LAYN: variants seen among roughly 807,000 people sequenced by gnomAD.
The protein encoded by LAYN is layilin.
A neutral mutation model predicts 43.6 loss-of-function variants in LAYN; 38 were observed. The ratio of observed to expected loss-of-function variants is 0.87; its 90% CI spans 0.67 to 1.14. The LOEUF (loss-of-function observed/expected upper bound fraction) is 1.14, where lower values mean the gene tolerates loss of function less well. Among genes scored for constraint, LAYN ranks in the 50% most tolerant of loss-of-function variants. The pLI is 0.00. For missense variants in LAYN, 479 were observed against 463.8 expected (o/e 1.03, Z -0.30); for synonymous variants, 168 against 172.9 (o/e 0.97, Z 0.22).
chr11:111,547,520 A>C (rs1398175986), intron 2 of LAYN, among the ~76,000 whole-genome samples: 2 of 152,244 alleles, frequency 1.3e-5, no homozygotes, highest in African/African-American at 4.8e-5. Flanking sequence ...CATCCCAACA[A>C]ACTGTTTCAG....
chr11:111,560,860 T>C lies in LAYN; in HGVS notation c.*402T>C. The C allele has an allele frequency of 6.1e-6, 1 of 165,250 alleles. No homozygotes were observed. The allele number at this position is 165,250 out of a possible 1,614,324, so 10.2% of individuals were successfully genotyped here. On this transcript the variant is annotated 3_prime_UTR_variant, in exon 7 of 7. Coordinates refer to ENST00000375614, the MANE Select transcript of LAYN (RefSeq NM_178834.5). ...TCATACAGACAGAAAATCCAGAATC[T>C]TTTCAAAGCCCACATATGGTAGCAC...
chr11:111,559,880 G>C (rs771402419), intron 6 of LAYN, among the ~76,000 whole-genome samples: 2 of 152,050 alleles, frequency 1.3e-5, no homozygotes, highest in Non-Finnish European at 2.9e-5. Flanking sequence ...GCCCACACTT[G>C]GGCAGCAGTG....
intron 3 of LAYN, 46 bp downstream of exon 3, chr11:111,549,821 C>G (rs1867711756): frequency 1.3e-6 from 2 of 1,558,926 alleles, no homozygotes; most frequent in Non-Finnish European, 1.7e-6. Flanking sequence ...CTCAACTTCT[C>G]TCATTTCATG....
Position 111,544,194 on chromosome 11 carries a change from G to T in LAYN, c.357G>T (p.Trp119Cys). The change falls in exon 2 of 7, where the codon TGG becomes TGT. Residue 119 changes from tryptophan to cysteine, a missense_variant. Physicochemically the swap from Trp to Cys is radical, Grantham distance 215. Coordinates refer to ENST00000375614, the MANE Select transcript of LAYN (RefSeq NM_178834.5). ...CAGCCTGCCAGGACCTTTATGCTTG[G>T]ACTGATGGCAGCATATCACAATTTA... ...NSTACQDLYA[W>C]TDGSISQFRN... 1 of 1,613,820 alleles carries T rather than the reference G, an allele frequency of 6.2e-7. No individual in the cohort carries two copies. The highest frequency in any genetic ancestry group is 1.1e-5 in the South Asian group (1 of 91,000).
chr11:111,548,425 G>A (rs1251809336), intron 2 of LAYN, among the ~76,000 whole-genome samples: 2 of 152,146 alleles, frequency 1.3e-5, no homozygotes, highest in Non-Finnish European at 2.9e-5. Context: ...ATAATGTAAA[G>A]CCATAAGGCC....
At chr11:111,557,146 G>T (rs1158857948) in intron 5 of LAYN, among the ~76,000 whole-genome samples, 1 of 151,286 alleles carries the variant, frequency 6.6e-6, no homozygotes, top group South Asian at 2.1e-4. Flanking sequence ...TTTACTAAGG[G>T]AGGACAAGAA....
At chr11:111,559,961 C>T (rs1257068132) in intron 6 of LAYN, 134 bp from the exon 7 acceptor site, 4 of 1,005,344 alleles carry the variant, frequency 4.0e-6, no homozygotes, top group Non-Finnish European at 5.8e-6. Context: ...GAAGCCCTGG[C>T]CTGTAAGTTA....
intron 6 of LAYN, 35 bp downstream of exon 6, chr11:111,557,678 C>A: frequency 1.3e-6 from 2 of 1,491,190 alleles, no homozygotes; most frequent in Non-Finnish European, 1.9e-6. Flanking sequence ...ACCTTTGCAT[C>A]TTCTGCTCTC....
Position 111,560,118 on chromosome 11 carries a change from G to A in LAYN, c.785G>A (p.Ser262Asn), listed in dbSNP as rs767923299. ...AGAAAACGGGAGCAGCCAGACCCTA[G>A]CACAAAGAAGCAACACACCATCTGG... ...RKRKREQPDP[S>N]TKKQHTIWPS... Residue 262 changes from serine to asparagine, a missense_variant, in exon 7 of 7, where the codon AGC (serine) becomes AAC (asparagine). Physicochemically the swap from Ser to Asn is conservative, Grantham distance 46. Coordinates refer to ENST00000375614, the MANE Select transcript of LAYN (RefSeq NM_178834.5). The A allele has an allele frequency of 2.5e-6, 4 of 1,612,518 alleles. No homozygotes were observed. The highest frequency in any genetic ancestry group is 3.4e-6 in the Non-Finnish European group (4 of 1,178,984).
intron 6 of LAYN, among the ~76,000 whole-genome samples, chr11:111,559,764 G>T (rs1316613926): frequency 6.6e-6 from 1 of 151,854 alleles, no homozygotes; most frequent in Non-Finnish European, 1.5e-5. Context: ...CAGCTGAGGT[G>T]TTTTTTTGTT....
intron 5 of LAYN, among the ~76,000 whole-genome samples, chr11:111,557,189 C>A (rs1034123238): frequency 6.6e-6 from 1 of 150,638 alleles, no homozygotes; most frequent in East Asian, 1.9e-4. Flanking sequence ...AAAAAAAAAA[C>A]AAAAAGCTTA....
chr11:111,541,613 T>G (rs1867540919), intron 1 of LAYN: 1 of 1,532,168 alleles, frequency 6.5e-7, no homozygotes, highest in South Asian at 1.2e-5. Flanking sequence ...CTGGCTTCTT[T>G]CAGTTGTTCT....
At chr11:111,555,634 T>C (rs1867825406) in intron 5 of LAYN, among the ~76,000 whole-genome samples, 1 of 152,196 alleles carries the variant, frequency 6.6e-6, no homozygotes. Context: ...CTGTGATGCA[T>C]AACATCTATG....
Position 111,561,371 on chromosome 11 carries a change from A to G in LAYN, c.*913A>G, listed in dbSNP as rs1378277461. On this transcript the variant is annotated 3_prime_UTR_variant, in exon 7 of 7. Coordinates refer to ENST00000375614, the MANE Select transcript of LAYN (RefSeq NM_178834.5). ...TGAGACCCTGTCTCTAAACAAAAAT[A>G]TTTTTTAAAGAAACTAAAAATGAAA... 6.6e-6 allele frequency: 1 copy of G among 152,200 alleles called. No homozygotes were observed. The highest frequency in any genetic ancestry group is 2.4e-5 in the African/African-American group (1 of 41,440). The allele number at this position is 152,200 out of a possible 1,614,324, so 9.4% of individuals were successfully genotyped here.
intron 2 of LAYN, among the ~76,000 whole-genome samples, chr11:111,549,018 T>A (rs986614785): frequency 1.2e-4 from 18 of 152,244 alleles, no homozygotes; most frequent in African/African-American, 4.3e-4. Context: ...GCTGAGGGGC[T>A]CATCAGCCTT....
At chr11:111,549,542 T>C in intron 2 of LAYN, 76 bp from the exon 3 acceptor site, 1 of 1,272,176 alleles carries the variant, frequency 7.9e-7, no homozygotes, top group Non-Finnish European at 1.1e-6. Flanking sequence ...CAGTGAGACT[T>C]GACGGGAAAA....
intron 6 of LAYN, among the ~76,000 whole-genome samples, chr11:111,558,619 C>T (rs1867885268): frequency 1.3e-5 from 2 of 152,120 alleles, no homozygotes; most frequent in East Asian, 1.9e-4. Flanking sequence ...TTTCCTGACT[C>T]TCTGTTTTGT....
intron 3 of LAYN, among the ~76,000 whole-genome samples, chr11:111,552,524 C>T (rs1867761837): frequency 6.6e-6 from 1 of 152,232 alleles, no homozygotes; most frequent in Non-Finnish European, 1.5e-5. Flanking sequence ...GAGTAGGCAG[C>T]ATGCTAGCCA....
intron 5 of LAYN, among the ~76,000 whole-genome samples, chr11:111,556,546 T>A (rs532242743): frequency 6.6e-5 from 10 of 151,972 alleles, no homozygotes; most frequent in African/African-American, 2.2e-4. Flanking sequence ...CTGGGGAGAG[T>A]CCAAGGATTT....
Sources: gnomAD v4.1 joint callset for allele counts (sites outside exome capture counted in the v4.1 genomes callset) on GRCh38, gnomAD v4.1.1 for gene constraint, MANE v1.5 for transcripts, NCBI Gene and HGNC (gene_info 2026-07-23, HGNC 2026-07-21) for gene names.